The following MRPS11 variants were observed in gnomAD, a reference collection of about 807,000 sequenced individuals.
The protein encoded by MRPS11 is small ribosomal subunit protein uS11m.
MRPS11 carries 27 observed loss-of-function variants against 24.3 expected under a neutral mutation model. That is an observed-to-expected ratio of 1.11 (90% confidence interval 0.82 to 1.53). MRPS11 has a LOEUF of 1.53. MRPS11 is among the 40% of genes most tolerant of loss of function. The pLI, the probability that MRPS11 is intolerant of heterozygous loss-of-function variation, is 0.00. For missense variants in MRPS11, 277 were observed against 256.5 expected (o/e 1.08, Z -0.55); for synonymous variants, 104 against 98.7 (o/e 1.05, Z -0.32).
intron 2 of MRPS11, among the ~76,000 whole-genome samples, chr15:88,470,189 T>C (rs1214689780): frequency 1.3e-5 from 2 of 151,934 alleles, no homozygotes; most frequent in Non-Finnish European, 2.9e-5. Context: ...GTGGCGTGGG[T>C]CTATAATCCC....
At chr15:88,471,583 G>A (rs527698469) in intron 2 of MRPS11, among the ~76,000 whole-genome samples, 1 of 152,280 alleles carries the variant, frequency 6.6e-6, no homozygotes, top group Admixed American at 6.5e-5. Flanking sequence ...GATCTACTAG[G>A]TCCAAGGCTT....
chr15:88,477,267 G>A lies in MRPS11; in HGVS notation c.477+213G>A, dbSNP rs2055841077. On this transcript the variant is annotated intron_variant, in intron 5 of 5. Coordinates refer to ENST00000325844, the MANE Select transcript of MRPS11 (RefSeq NM_022839.5). This position sits in a 1 kb window ranked among gnomAD's most constrained non-coding sequence, Gnocchi z 5.7. ...TCATCAGACACTGAGTGCCTGCTGC[G>A]TGCCACGCACTGGGAATGGGAAGGT... Among the ~76,000 whole-genome samples, 4 of 152,024 alleles carry A rather than the reference G, an allele frequency of 2.6e-5. No individual in the cohort carries two copies. In the South Asian group the frequency reaches 6.2e-4, roughly 24 times the overall value.
Position 88,472,731 on chromosome 15 carries a change from T to C in MRPS11, c.281+6T>C, listed in dbSNP as rs748134570. ...ATTAAAGCATCCCACAACAAGTAAG[T>C]GGGAAGGGAAACACTGGGCAGGTCT... On this transcript the variant is annotated splice_donor_region_variant and intron_variant, in intron 3 of 5. Coordinates refer to ENST00000325844, the MANE Select transcript of MRPS11 (RefSeq NM_022839.5). The C allele has an allele frequency of 6.2e-7, 1 of 1,608,828 alleles. No homozygotes were observed. The highest frequency in any genetic ancestry group is 8.5e-7 in the Non-Finnish European group (1 of 1,175,882).
Position 88,475,151 on chromosome 15 carries a change from C to T in MRPS11, c.323C>T (p.Ala108Val), listed in dbSNP as rs988867505. 7 of 1,614,086 alleles carry T rather than the reference C, an allele frequency of 4.3e-6. No homozygotes were observed. In the African/African-American group the frequency reaches 5.3e-5, roughly 12 times the overall value. Residue 108 changes from alanine (A) to valine (V), a missense_variant, in exon 4 of 6, where the codon GCC becomes GTC. By Grantham distance (64) the Ala-to-Val change is moderately conservative. Coordinates refer to ENST00000325844, the MANE Select transcript of MRPS11 (RefSeq NM_022839.5). This position sits in a 1 kb window ranked among gnomAD's most constrained non-coding sequence, Gnocchi z 4.1. ...QVVSASNEPLAFASCGTEGFR... is the reference protein window; with the variant it reads ...QVVSASNEPLVFASCGTEGFR... ...GTCTCTGCTAGTAATGAGCCCCTTG[C>T]CTTTGCTTCCTGTGGCACAGAGGGA...
In MRPS11 at chr15:88,470,986, A is replaced by G. The variant is rs528410942; in HGVS notation, c.183-1641A>G. On this transcript the variant is annotated intron_variant, in intron 2 of 5. Coordinates refer to ENST00000325844, the MANE Select transcript of MRPS11 (RefSeq NM_022839.5). Reference sequence around the variant, plus strand: ...AAACAAGTGATACTGGAGTGGGAACATTGCGGGAACAGTGTCCTTCAGGGG... The same window carrying G: ...AAACAAGTGATACTGGAGTGGGAACGTTGCGGGAACAGTGTCCTTCAGGGG... Among the ~76,000 whole-genome samples, 8 of 152,350 alleles carry G rather than the reference A, an allele frequency of 5.3e-5. No homozygotes were observed. In the East Asian group the frequency reaches 1.3e-3, roughly 26 times the overall value.
Position 88,478,033 on chromosome 15 carries a change from C to A in MRPS11, c.*54C>A. On this transcript the variant is annotated 3_prime_UTR_variant, in exon 6 of 6. Coordinates refer to ENST00000325844, the MANE Select transcript of MRPS11 (RefSeq NM_022839.5). The surrounding 1 kb of genome is among the most constrained non-coding windows in gnomAD (Gnocchi z 4.7). ...CCTCAAGCCTCAGCTCCAGTGGGAC[C>A]TTGTAAAATGCTCCCTGTCAGAGCT... The A allele has an allele frequency of 7.1e-7, 1 of 1,403,534 alleles. No individual in the cohort carries two copies. Among genetic ancestry groups the A allele is most frequent in the Non-Finnish European group, 1.0e-6 (1 of 989,048 alleles). 86.9% of individuals were successfully genotyped at this position (1,403,534 alleles called of 1,614,324 possible).
intron 3 of MRPS11, among the ~76,000 whole-genome samples, chr15:88,473,342 A>G (rs749606510): frequency 5.9e-5 from 9 of 152,184 alleles, no homozygotes; most frequent in East Asian, 1.9e-4. Flanking sequence ...ATTAGTGACA[A>G]CTTTACAGGT....
At chr15:88,474,401 A>C (rs1375352812) in intron 3 of MRPS11, among the ~76,000 whole-genome samples, 1 of 152,096 alleles carries the variant, frequency 6.6e-6, no homozygotes, top group Non-Finnish European at 1.5e-5. Context: ...CTTTACTAAA[A>C]ATACAAAATT....
Position 88,475,051 on chromosome 15 carries a change from C to T in MRPS11, c.282-59C>T. ...CCAGGCTTCTAGGGGCATAGATTAGCTCTCTCTTATTTCCCTGAAGAAGAG... is the reference window on the plus strand; with the variant it reads ...CCAGGCTTCTAGGGGCATAGATTAGTTCTCTCTTATTTCCCTGAAGAAGAG... On this transcript the variant is annotated intron_variant, in intron 3 of 5. Coordinates refer to ENST00000325844, the MANE Select transcript of MRPS11 (RefSeq NM_022839.5). The surrounding 1 kb of genome is among the most constrained non-coding windows in gnomAD (Gnocchi z 4.1). The T allele has an allele frequency of 1.3e-6, 2 of 1,594,966 alleles. No homozygotes were observed. The highest frequency in any genetic ancestry group is 8.6e-7 in the Non-Finnish European group (1 of 1,168,290).
Position 88,477,213 on chromosome 15 carries a change from C to T in MRPS11, c.477+159C>T, listed in dbSNP as rs2055840207. Among the ~76,000 whole-genome samples, 1 of 152,206 alleles carries T rather than the reference C, an allele frequency of 6.6e-6. No individual in the cohort carries two copies. The highest frequency in any genetic ancestry group is 1.5e-5 in the Non-Finnish European group (1 of 68,036). ...TGTTTCTATAATTGACCAAGCCCCT[C>T]AGAGCAAGCCTAGATCACTTAGTAT... is the stretch of plus-strand genomic sequence containing the variant. On this transcript the variant is annotated intron_variant, in intron 5 of 5. Coordinates refer to ENST00000325844, the MANE Select transcript of MRPS11 (RefSeq NM_022839.5). This position sits in a 1 kb window ranked among gnomAD's most constrained non-coding sequence, Gnocchi z 5.7.
At position 88,478,233 on chromosome 15, in the gene MRPS11, TC is replaced by T. The variant is rs1487518286; in HGVS notation, c.*255del. 2.0e-6 allele frequency: 1 copy of T among 511,966 alleles called. No individual in the cohort carries two copies. The highest frequency in any genetic ancestry group is 1.9e-5 in the African/African-American group (1 of 52,560). 31.7% of individuals were successfully genotyped at this position (511,966 alleles called of 1,614,324 possible). A position where few individuals can be genotyped will look rare whatever the true frequency, so the allele number is the denominator to read the frequency against. ...GCCGTGGCCTAGGCCCAAACTCTGC[TC>T]TGAGAAAATAAATATCTGTACCACC... On this transcript the variant is annotated 3_prime_UTR_variant, in exon 6 of 6. Transcript: ENST00000325844. This position sits in a 1 kb window ranked among gnomAD's most constrained non-coding sequence, Gnocchi z 4.7.
In MRPS11 at chr15:88,478,059, C is replaced by T; in HGVS notation, c.*80C>T. ...TTGTAAAATGCTCCCTGTCAGAGCT[C>T]TCCAGAATATGCTTGTTGGAGATCC... On this transcript the variant is annotated 3_prime_UTR_variant, in exon 6 of 6. Transcript: ENST00000325844. This position sits in a 1 kb window ranked among gnomAD's most constrained non-coding sequence, Gnocchi z 4.7. 8.8e-7 allele frequency: 1 copy of T among 1,135,596 alleles called. No homozygotes were observed. The highest frequency in any genetic ancestry group is 1.3e-6 in the Non-Finnish European group (1 of 752,550). The allele number at this position is 1,135,596 out of a possible 1,614,324, so 70.3% of individuals were successfully genotyped here.
chr15:88,475,942 C>T lies in MRPS11; in HGVS notation c.411+703C>T, dbSNP rs2055813308. Among the ~76,000 whole-genome samples, 1 of 151,880 alleles carries T rather than the reference C, an allele frequency of 6.6e-6. No individual in the cohort carries two copies. The highest frequency in any genetic ancestry group is 2.4e-5 in the African/African-American group (1 of 41,346). ...ACTGCACTCCAGCCTGGTGACAGAG[C>T]GAGACTCCATCTCAAGAAAAAAAAT... On this transcript the variant is annotated intron_variant, in intron 4 of 5. Transcript: ENST00000325844. The surrounding 1 kb of genome is among the most constrained non-coding windows in gnomAD (Gnocchi z 4.1).
chr15:88,467,858 G>A (rs756758932), intron 1 of MRPS11, 50 bp from the exon 2 acceptor site: 2 of 1,612,536 alleles, frequency 1.2e-6, no homozygotes, highest in East Asian at 2.2e-5. Flanking sequence ...TGAGCCACCC[G>A]GGCCCCAGTG....
chr15:88,474,737 A>T (rs998038589), intron 3 of MRPS11, among the ~76,000 whole-genome samples: 1 of 152,192 alleles, frequency 6.6e-6, no homozygotes, highest in African/African-American at 2.4e-5. Flanking sequence ...ACTGAATTGG[A>T]TATGAGTTGA....
Position 88,477,107 on chromosome 15 carries a change from T to C in MRPS11, c.477+53T>C. On this transcript the variant is annotated intron_variant, in intron 5 of 5. Coordinates refer to ENST00000325844, the MANE Select transcript of MRPS11 (RefSeq NM_022839.5). The surrounding 1 kb of genome is among the most constrained non-coding windows in gnomAD (Gnocchi z 5.7). ...CTTGCCTCCTAGTAAGTGTGAGAAT[T>C]TGGGGCTTGAGAGCAGAGTACAGGG... The C allele has an allele frequency of 6.4e-7, 1 of 1,571,726 alleles. No individual in the cohort carries two copies. Among genetic ancestry groups the C allele is most frequent in the Non-Finnish European group, 8.7e-7 (1 of 1,144,814 alleles).
At chr15:88,473,713 A>G (rs1269171542) in intron 3 of MRPS11, among the ~76,000 whole-genome samples, 1 of 152,196 alleles carries the variant, frequency 6.6e-6, no homozygotes, top group African/African-American at 2.4e-5. Context: ...TGGATGGCCC[A>G]AGCCCGGGGC....
In MRPS11 at chr15:88,472,695, C is replaced by T. The variant is rs751729742; in HGVS notation, c.251C>T (p.Pro84Leu). 2.5e-6 allele frequency: 4 copies of T among 1,613,870 alleles called. No homozygotes were observed. Among genetic ancestry groups the T allele is most frequent in the Non-Finnish European group, 2.5e-6 (3 of 1,179,870 alleles). The change falls in exon 3 of 6, where the codon CCA (proline) becomes CTA (leucine). Residue 84 changes from proline to leucine, a missense_variant. Pro to Leu is a moderately conservative substitution (Grantham distance 98, BLOSUM62 -3). Coordinates refer to ENST00000325844, the MANE Select transcript of MRPS11 (RefSeq NM_022839.5). ...RWAGKKFEEIPIAHIKASHNN... is the reference protein window; with the variant it reads ...RWAGKKFEEILIAHIKASHNN... Reference sequence around the variant, plus strand: ...GCAGGAAAGAAATTTGAGGAGATCCCAATTGCACACATTAAAGCATCCCAC... The same window carrying T: ...GCAGGAAAGAAATTTGAGGAGATCCTAATTGCACACATTAAAGCATCCCAC...
chr15:88,471,049 CA>C (rs2055689420), intron 2 of MRPS11, among the ~76,000 whole-genome samples: 1 of 152,168 alleles, frequency 6.6e-6, no homozygotes, highest in African/African-American at 2.4e-5. Context: ...GGAGAGAGCG[CA>C]AAGGCTGTGG....
Sources: gnomAD v4.1 joint callset for allele counts (sites outside exome capture counted in the v4.1 genomes callset) on GRCh38, gnomAD v4.1.1 for gene constraint, Gnocchi (gnomAD v3.1) non-coding constraint, MANE v1.5 for transcripts, NCBI Gene and HGNC (gene_info 2026-07-23, HGNC 2026-07-21) for gene names.